FSTL5: variants seen among roughly 807,000 people sequenced by gnomAD.
FSTL5 encodes the protein follistatin like 5.
FSTL5 carries 62 observed loss-of-function variants against 89.1 expected under a neutral mutation model. The observed-to-expected ratio is 0.70, with a 90% CI of 0.57 to 0.86. FSTL5 has a LOEUF of 0.86. Ranked by LOEUF, FSTL5 falls within the 40% of genes least tolerant of loss-of-function variation. FSTL5 has a pLI of 0.00. For missense variants in FSTL5, 1,057 were observed against 1,001.6 expected, an observed-to-expected ratio of 1.06 and a Z score of -0.75; for synonymous variants, 383 against 346.2, an observed-to-expected ratio of 1.11 and a Z score of -1.18.
At chr4:162,128,224 G>A (rs1732160168) in intron 1 of FSTL5, among the ~76,000 whole-genome samples, 1 of 152,142 alleles carries the variant, frequency 6.6e-6, no homozygotes, top group Non-Finnish European at 1.5e-5. Context: ...TTACATATTT[G>A]TAGAGCAATA....
chr4:162,107,277 C>T (rs1291982628), intron 2 of FSTL5, among the ~76,000 whole-genome samples: 1 of 152,132 alleles, frequency 6.6e-6, no homozygotes, highest in Non-Finnish European at 1.5e-5. Context: ...ACTCCAGTTT[C>T]CCCGTTTACA....
chr4:161,603,646 T>C (rs1734331604), intron 7 of FSTL5, among the ~76,000 whole-genome samples: 1 of 152,208 alleles, frequency 6.6e-6, no homozygotes, highest in South Asian at 2.1e-4. Context: ...ATTTGTTTTT[T>C]TAAAATATTT....
intron 10 of FSTL5, among the ~76,000 whole-genome samples, chr4:161,517,302 C>A (rs1730874702): frequency 1.3e-5 from 2 of 152,076 alleles, no homozygotes; most frequent in Admixed American, 1.3e-4. Context: ...ACTCAATATA[C>A]AATAAAAATT....
At chr4:161,482,089 G>A (rs921385250) in intron 12 of FSTL5, among the ~76,000 whole-genome samples, 5 of 152,212 alleles carry the variant, frequency 3.3e-5, no homozygotes, top group Admixed American at 2.0e-4. Context: ...GGGAGGCCAA[G>A]GCAGATGGAT....
chr4:161,655,265 G>A (rs1411090092), intron 7 of FSTL5, among the ~76,000 whole-genome samples: 1 of 151,946 alleles, frequency 6.6e-6, no homozygotes, highest in Non-Finnish European at 1.5e-5. Flanking sequence ...ACCAAGAGTA[G>A]TAGAGTACAA....
Position 162,029,616 on chromosome 4 carries a change from T to C in FSTL5, c.160+4009A>G, listed in dbSNP as rs188301390. On this transcript the variant is annotated intron_variant, in intron 3 of 15. Coordinates refer to ENST00000306100, the MANE Select transcript of FSTL5 (RefSeq NM_020116.5). Reference sequence around the variant, plus strand: ...ACAACCTGGCAAAAGTCCTAGACACTTTCTTAGAACACTATTGTGATGTGT... The same window carrying C: ...ACAACCTGGCAAAAGTCCTAGACACCTTCTTAGAACACTATTGTGATGTGT... Among the ~76,000 whole-genome samples, 3 of 152,252 alleles carry C rather than the reference T, an allele frequency of 2.0e-5. No individual in the cohort carries two copies. The East Asian group carries it at 5.8e-4, about 29-fold the overall frequency.
At chr4:161,785,280 A>G (rs933727515) in intron 4 of FSTL5, among the ~76,000 whole-genome samples, 5 of 152,190 alleles carry the variant, frequency 3.3e-5, no homozygotes, top group African/African-American at 1.2e-4. Context: ...TTTTTCTGCA[A>G]ATTTATGTGA....
chr4:161,760,948 G>A (rs1740771798), intron 5 of FSTL5, among the ~76,000 whole-genome samples: 1 of 152,062 alleles, frequency 6.6e-6, no homozygotes, highest in Non-Finnish European at 1.5e-5. Context: ...TAAGCATCTG[G>A]GTCACTGGAG....
chr4:161,473,805 ACTATC>A (rs1734032326), intron 13 of FSTL5, among the ~76,000 whole-genome samples: 1 of 152,122 alleles, frequency 6.6e-6, no homozygotes, highest in South Asian at 2.1e-4. Flanking sequence ...CAGTGCATGG[ACTATC>A]CTTTTCAATC....
rs540014358 is a variant in FSTL5 at position 161,494,380 on chromosome 4, T to C, written c.1458+5636A>G. On this transcript the variant is annotated intron_variant, in intron 12 of 15. Coordinates refer to ENST00000306100, the MANE Select transcript of FSTL5 (RefSeq NM_020116.5). ...CATGTAAAGAGGCTGGTATTTCAAA[T>C]GACTATTTTTGAGGACCAAGTTTGC... Among the ~76,000 whole-genome samples the C allele has an allele frequency of 3.3e-5, 5 of 152,304 alleles. No homozygotes were observed. In the East Asian group the frequency reaches 9.6e-4, roughly 29 times the overall value.
At chr4:161,790,704 A>G (rs1052752237) in intron 4 of FSTL5, among the ~76,000 whole-genome samples, 3 of 152,236 alleles carry the variant, frequency 2.0e-5, no homozygotes, top group Non-Finnish European at 4.4e-5. Flanking sequence ...TAAAACAGTT[A>G]TTAAAGAAAA....
intron 1 of FSTL5, among the ~76,000 whole-genome samples, chr4:162,129,441 T>C (rs528121738): frequency 9.1e-4 from 139 of 152,202 alleles, no homozygotes; most frequent in Admixed American, 2.4e-3. Context: ...TACAAAAAGA[T>C]AAAGTGAGAA....
chr4:161,985,597 G>C (rs1735943123), intron 3 of FSTL5, among the ~76,000 whole-genome samples: 1 of 151,634 alleles, frequency 6.6e-6, no homozygotes, highest in South Asian at 2.1e-4. Flanking sequence ...TTTTGAATTT[G>C]CCTATTTAAA....
At chr4:161,934,689 T>C (rs969308718) in intron 3 of FSTL5, among the ~76,000 whole-genome samples, 9 of 152,222 alleles carry the variant, frequency 5.9e-5, no homozygotes, top group Non-Finnish European at 5.9e-5. Context: ...ACTGATTTCA[T>C]AGATATAAAT....
At chr4:162,003,286 C>T (rs538944136) in intron 3 of FSTL5, among the ~76,000 whole-genome samples, 88 of 152,236 alleles carry the variant, frequency 5.8e-4, no homozygotes, top group Middle Eastern at 3.4e-3. Context: ...CTGTTCTATG[C>T]GCTTTACTCA....
intron 6 of FSTL5, among the ~76,000 whole-genome samples, chr4:161,751,601 C>A (rs909628796): frequency 6.6e-6 from 1 of 151,956 alleles, no homozygotes; most frequent in Non-Finnish European, 1.5e-5. Flanking sequence ...ATAGCAAAGT[C>A]CCATCTCTAC....
intron 8 of FSTL5, among the ~76,000 whole-genome samples, chr4:161,573,831 G>T: frequency 6.8e-6 from 1 of 147,138 alleles, no homozygotes; most frequent in Admixed American, 6.7e-5. Context: ...GAAAAGAAAA[G>T]AATAAAAGAC....
chr4:161,524,662 G>T (rs547272744), intron 10 of FSTL5, among the ~76,000 whole-genome samples: 2 of 152,136 alleles, frequency 1.3e-5, no homozygotes, highest in African/African-American at 4.8e-5. Flanking sequence ...AACCCACCAT[G>T]TATTAATATT....
At chr4:161,566,099 ACTATATAT>A (rs1279988437) in intron 8 of FSTL5, among the ~76,000 whole-genome samples, 1 of 24,652 alleles carries the variant, frequency 4.1e-5, no homozygotes, top group African/African-American at 1.3e-4. Context: ...TTTTTTTTGG[ACTATATAT>A]ATATATATAT....
Sources: gnomAD v4.1 joint callset for allele counts (sites outside exome capture counted in the v4.1 genomes callset) on GRCh38, gnomAD v4.1.1 for gene constraint, MANE v1.5 for transcripts, NCBI Gene and HGNC (gene_info 2026-07-23, HGNC 2026-07-21) for gene names.